The following CCDC127 variants were observed in gnomAD, a reference collection of about 807,000 sequenced individuals.
CCDC127 encodes the protein coiled-coil domain containing 127.
CCDC127 carries 2 observed loss-of-function variants against 4.1 expected under a neutral mutation model. That is an observed-to-expected ratio of 0.49 (90% confidence interval 0.20 to 1.53). The LOEUF (loss-of-function observed/expected upper bound fraction) is 1.53, where lower values mean the gene tolerates loss of function less well. CCDC127 is among the 40% of genes most tolerant of loss of function. The pLI is 0.23. For missense variants in CCDC127, 271 were observed against 322.9 expected (o/e 0.84, Z 1.23); for synonymous variants, 98 against 120.4 (o/e 0.81, Z 1.22).
intron 1 of CCDC127, among the ~76,000 whole-genome samples, chr5:217,852 G>C (rs1173711719): frequency 6.6e-6 from 1 of 152,226 alleles, no homozygotes; most frequent in East Asian, 1.9e-4. Flanking sequence ...TTGTTTACAT[G>C]TGACCTCCAC....
At chr5:214,324 C>A (rs111730088) in intron 2 of CCDC127, 3 of 152,150 alleles carry the variant, frequency 2.0e-5, no homozygotes, top group Non-Finnish European at 4.4e-5. Flanking sequence ...AGAGGGTACA[C>A]GGGCTCTCTG....
In CCDC127 at chr5:217,132, C is replaced by A. The variant is rs553895976; in HGVS notation, c.-10-273G>T. 2.0e-4 allele frequency: 38 copies of A among 190,968 alleles called. 1 individual carries two copies. In the East Asian group the frequency reaches 3.0e-3, roughly 15 times the overall value. The allele number at this position is 190,968 out of a possible 1,614,324, so 11.8% of individuals were successfully genotyped here. On this transcript the variant is annotated intron_variant, in intron 1 of 2. Coordinates refer to ENST00000296824, the MANE Select transcript of CCDC127 (RefSeq NM_145265.3). ...GTGACAGAACGAGACTCCGTCCCCC[C>A]CAAAAAAAAAGAAAAAGAAAAAGGA... is the stretch of plus-strand genomic sequence containing the variant.
Position 197,238 on chromosome 5 carries a change from G to A in CCDC127, c.*8059C>T, listed in dbSNP as rs979245452. On this transcript the variant is annotated 3_prime_UTR_variant, in exon 3 of 3. Transcript: ENST00000296824. ...CTCAGAGTTGAACAAATGTACAATC[G>A]GGTTTTACACCGCGACATTCAGTTC... 15 of 152,314 alleles carry A rather than the reference G, an allele frequency of 9.8e-5. No homozygotes were observed. Among genetic ancestry groups the A allele is most frequent in the East Asian group, 7.7e-4 (4 of 5,174 alleles). The allele number at this position is 152,314 out of a possible 1,614,324, so 9.4% of individuals were successfully genotyped here.
At chr5:207,276 A>C (rs1213169934) in intron 2 of CCDC127, among the ~76,000 whole-genome samples, 1 of 152,168 alleles carries the variant, frequency 6.6e-6, no homozygotes, top group Non-Finnish European at 1.5e-5. Flanking sequence ...TTCCTCAACC[A>C]AAAATAGCTG....
chr5:205,343 TC>T lies in CCDC127; in HGVS notation c.736del (p.Glu246AsnfsTer2), dbSNP rs1363558111. 1 of 1,613,844 alleles carries T rather than the reference TC, an allele frequency of 6.2e-7. No homozygotes were observed. The highest frequency in any genetic ancestry group is 8.5e-7 in the Non-Finnish European group (1 of 1,179,878). On this transcript the variant is annotated frameshift_variant, in exon 3 of 3. Coordinates refer to ENST00000296824, the MANE Select transcript of CCDC127 (RefSeq NM_145265.3). LOFTEE classifies it high-confidence loss of function. ...CTCTACTCTCTTAAACTTCTTCAGT[TC>T]GACAACGAGTTCCCAGTATTTGAGA... ...LYLKYWELVV[E>X]LKKFKRVEEA...
At position 205,094 on chromosome 5, in the gene CCDC127, C is replaced by T. The variant is rs144626085; in HGVS notation, c.*203G>A. The T allele has an allele frequency of 2.5e-3, 1,369 of 541,472 alleles. 8 individuals carry two copies. The highest frequency in any genetic ancestry group is 3.7e-3 in the Non-Finnish European group (1,146 of 309,242). The allele number at this position is 541,472 out of a possible 1,614,324, so 33.5% of individuals were successfully genotyped here. On this transcript the variant is annotated 3_prime_UTR_variant, in exon 3 of 3. Coordinates refer to ENST00000296824, the MANE Select transcript of CCDC127 (RefSeq NM_145265.3). ...CTTCAAGAAACCATATCCCCAACAG[C>T]GGCAGAGCATCGGGAGGAGACCCTC... is the stretch of plus-strand genomic sequence containing the variant.
In CCDC127 at chr5:218,097, G is replaced by C. The variant is rs1734468753; in HGVS notation, c.-15C>G. On this transcript the variant is annotated 5_prime_UTR_variant, in exon 1 of 3. Transcript: ENST00000296824. ...CCGGAACAGGGCCCGCTCTACCTCG[G>C]TCGGGGAGCGCGGGACCTCAGCGTT... The C allele has an allele frequency of 1.7e-6, 2 of 1,202,516 alleles. No individual in the cohort carries two copies. Among genetic ancestry groups the C allele is most frequent in the Admixed American group, 9.1e-5 (2 of 22,006 alleles). 74.5% of individuals were successfully genotyped at this position (1,202,516 alleles called of 1,614,324 possible).
intron 2 of CCDC127, among the ~76,000 whole-genome samples, chr5:207,928 G>A (rs1276094949): frequency 6.6e-6 from 1 of 152,112 alleles, no homozygotes; most frequent in Non-Finnish European, 1.5e-5. Flanking sequence ...TGACGCACAC[G>A]GTTAAACGTC....
chr5:204,374 G>A lies in CCDC127; in HGVS notation c.*923C>T, dbSNP rs1254275333. On this transcript the variant is annotated 3_prime_UTR_variant, in exon 3 of 3. Coordinates refer to ENST00000296824, the MANE Select transcript of CCDC127 (RefSeq NM_145265.3). ...GGATTCGACTGAGGATTCCATGAGT[G>A]AACAGGTATACAGGCTCAATTCCCA... is the stretch of plus-strand genomic sequence containing the variant. 1 of 152,258 alleles carries A rather than the reference G, an allele frequency of 6.6e-6. No homozygotes were observed. The highest frequency in any genetic ancestry group is 1.9e-4 in the East Asian group (1 of 5,200). The allele number at this position is 152,258 out of a possible 1,614,324, so 9.4% of individuals were successfully genotyped here. A position where few individuals can be genotyped will look rare whatever the true frequency, so the allele number is the denominator to read the frequency against.
rs546075394 is a variant in CCDC127 at position 206,967 on chromosome 5, C to T, written c.122-1009G>A. Among the ~76,000 whole-genome samples, 14 of 152,298 alleles carry T rather than the reference C, an allele frequency of 9.2e-5. No homozygotes were observed. In the South Asian group the frequency reaches 2.9e-3, roughly 32 times the overall value. On this transcript the variant is annotated intron_variant, in intron 2 of 2. Coordinates refer to ENST00000296824, the MANE Select transcript of CCDC127 (RefSeq NM_145265.3). ...TCCCCTACTAACTGTGGGACTCCCT[C>T]GTCTGCAGCCCCTTCTAGAACCACT...
rs1422837558 is a variant in CCDC127, at chr5:198,729, G to A, written c.*6568C>T. ...TGCATGGCCGTTCACCATTCGCTGG[G>A]TCTTTGTCCTCGCCCAATCTTGTGA... On this transcript the variant is annotated 3_prime_UTR_variant, in exon 3 of 3. Transcript: ENST00000296824. 6.6e-6 allele frequency: 1 copy of A among 152,332 alleles called. No individual in the cohort carries two copies. Among genetic ancestry groups the A allele is most frequent in the Non-Finnish European group, 1.5e-5 (1 of 68,106 alleles). 9.4% of individuals were successfully genotyped at this position (152,332 alleles called of 1,614,324 possible).
At position 205,482 on chromosome 5, in the gene CCDC127, C is replaced by T. The variant is rs559771861; in HGVS notation, c.598G>A (p.Ala200Thr). 9.3e-6 allele frequency: 15 copies of T among 1,613,984 alleles called. No individual in the cohort carries two copies. The highest frequency in any genetic ancestry group is 3.3e-5 in the South Asian group (3 of 91,080). ...LLVRASVDPV[A>T]ADLEMAAGLT... ...CCGGCTGCCATCTCTAGGTCAGCGG[C>T]GACGGGGTCGACGGACGCTCGCACC... Residue 200 changes from alanine to threonine, a missense_variant, in exon 3 of 3, where the codon GCC becomes ACC. By Grantham distance (58) the Ala-to-Thr change is moderately conservative (BLOSUM62 0). Around this residue, in one of 2 missense-constraint regions of CCDC127, gnomAD observed 265 missense variants for 270.9 expected, o/e 0.98. Coordinates refer to ENST00000296824, the MANE Select transcript of CCDC127 (RefSeq NM_145265.3).
rs953209719 is a variant in CCDC127 at position 199,692 on chromosome 5, CGAGGAGGCCCCA to C, written c.*5593_*5604del. The C allele has an allele frequency of 1.3e-5, 2 of 152,328 alleles. No homozygotes were observed. The highest frequency in any genetic ancestry group is 4.8e-5 in the African/African-American group (2 of 41,400). The allele number at this position is 152,328 out of a possible 1,614,324, so 9.4% of individuals were successfully genotyped here. A position where few individuals can be genotyped will look rare whatever the true frequency, so the allele number is the denominator to read the frequency against. Reference sequence around the variant, plus strand: ...GCAGGGCCCCAGCACCCCTACCTCCCGAGGAGGCCCCAGCACCCCACTCCCTGCCTGTCAGCC... The same window carrying C: ...GCAGGGCCCCAGCACCCCTACCTCCCGCACCCCACTCCCTGCCTGTCAGCC... On this transcript the variant is annotated 3_prime_UTR_variant, in exon 3 of 3. Coordinates refer to ENST00000296824, the MANE Select transcript of CCDC127 (RefSeq NM_145265.3).
rs1021046234 is a variant in CCDC127, at chr5:198,681, TACTGA to T, written c.*6611_*6615del. The T allele has an allele frequency of 6.6e-6, 1 of 152,308 alleles. No individual in the cohort carries two copies. Among genetic ancestry groups the T allele is most frequent in the Non-Finnish European group, 1.5e-5 (1 of 68,110 alleles). The allele number at this position is 152,308 out of a possible 1,614,324, so 9.4% of individuals were successfully genotyped here. A position where few individuals can be genotyped will look rare whatever the true frequency, so the allele number is the denominator to read the frequency against. On this transcript the variant is annotated 3_prime_UTR_variant, in exon 3 of 3. Transcript: ENST00000296824. The stretch of plus-strand genomic sequence containing the variant: ...CCTGTGCAGGTCTCGCACTTGCTCC[TACTGA>T]ACTGATCGGCCCCATCCTGCATGGC...
Position 205,600 on chromosome 5 carries a change from T to C in CCDC127, c.480A>G (p.Lys160=). The change falls in exon 3 of 3, where the codon AAA becomes AAG. Residue 160 remains lysine, a synonymous_variant. Transcript: ENST00000296824. ...NWQRRARLLL[K]EFEAVLTERQ... is the part of the protein sequence containing the mutation. ...TTTCTGTGAGAACAGCTTCAAATTCTTTCAGCAAAAGCCTGGCTCTCCTTT... is the reference window on the plus strand; with the variant it reads ...TTTCTGTGAGAACAGCTTCAAATTCCTTCAGCAAAAGCCTGGCTCTCCTTT... 2 of 1,614,238 alleles carry C rather than the reference T, an allele frequency of 1.2e-6. No individual in the cohort carries two copies. The highest frequency in any genetic ancestry group is 1.7e-6 in the Non-Finnish European group (2 of 1,180,042).
Position 202,335 on chromosome 5 carries a change from A to T in CCDC127, c.*2962T>A, listed in dbSNP as rs1364950112. The T allele has an allele frequency of 6.6e-6, 1 of 152,384 alleles. No homozygotes were observed. The highest frequency in any genetic ancestry group is 1.5e-5 in the Non-Finnish European group (1 of 68,156). The allele number at this position is 152,384 out of a possible 1,614,324, so 9.4% of individuals were successfully genotyped here. ...CACGGTGGCTCACGCCCCTAATCCC[A>T]GCACTTTGGGAGGCTGAGGCAGGTG... On this transcript the variant is annotated 3_prime_UTR_variant, in exon 3 of 3. Coordinates refer to ENST00000296824, the MANE Select transcript of CCDC127 (RefSeq NM_145265.3).
intron 2 of CCDC127, chr5:215,122 T>C (rs1328549858): frequency 6.6e-6 from 1 of 152,132 alleles, no homozygotes; most frequent in Non-Finnish European, 1.5e-5. Context: ...CAAGTATTCA[T>C]ATGTCTGCCT....
chr5:215,248 C>T (rs1406705518), intron 2 of CCDC127: 2 of 151,464 alleles, frequency 1.3e-5, no homozygotes, highest in African/African-American at 4.9e-5. Flanking sequence ...ACAGTTCTCT[C>T]TGACCACACT....
In CCDC127 at chr5:197,321, T is replaced by C. The variant is rs1733978000; in HGVS notation, c.*7976A>G. 6.6e-6 allele frequency: 1 copy of C among 152,224 alleles called. No homozygotes were observed. Among genetic ancestry groups the C allele is most frequent in the African/African-American group, 2.4e-5 (1 of 41,446 alleles). The allele number at this position is 152,224 out of a possible 1,614,324, so 9.4% of individuals were successfully genotyped here. A position where few individuals can be genotyped will look rare whatever the true frequency, so the allele number is the denominator to read the frequency against. On this transcript the variant is annotated 3_prime_UTR_variant, in exon 3 of 3. Transcript: ENST00000296824. ...CTCTCAACTGCAAGAGGCTTTCGTC[T>C]TTTACTAACCCATGTCAGCACAGAC...
Sources: gnomAD v4.1 joint callset for allele counts (sites outside exome capture counted in the v4.1 genomes callset) on GRCh38, gnomAD v4.1.1 for gene constraint, gnomAD v4.1.1 regional missense constraint, MANE v1.5 for transcripts, NCBI Gene and HGNC (gene_info 2026-07-23, HGNC 2026-07-21) for gene names.